Variants in GDAP1L1 observed in about 807,000 individuals in gnomAD.
The protein encoded by GDAP1L1 is ganglioside induced differentiation associated protein 1 like 1, also known as ganglioside-induced differentiation-associated protein 1-like 1.
A neutral mutation model predicts 37.1 loss-of-function variants in GDAP1L1; 21 were observed. That is an observed-to-expected ratio of 0.57 (90% CI 0.40 to 0.81). The LOEUF is 0.81. Ranked by LOEUF, GDAP1L1 falls within the 40% of genes least tolerant of loss-of-function variation. The probability of loss-of-function intolerance (pLI) is 0.00; values close to 1 mark genes in which losing one functional copy is unlikely to be tolerated. For synonymous variants in GDAP1L1, 193 were observed against 209.1 expected, an observed-to-expected ratio of 0.92 and a Z score of 0.67; for missense variants, 362 against 491.6, an observed-to-expected ratio of 0.74 and a Z score of 2.49.
chr20:44,262,949 A>G (rs759889360), intron 3 of GDAP1L1, among the ~76,000 whole-genome samples: 2 of 151,660 alleles, frequency 1.3e-5, no homozygotes, highest in Non-Finnish European at 2.9e-5. Context: ...GGCTCAAGTG[A>G]TCCTCTCACC....
intron 1 of GDAP1L1, among the ~76,000 whole-genome samples, chr20:44,254,577 C>T (rs1428976474): frequency 6.6e-6 from 1 of 152,180 alleles, no homozygotes; most frequent in Non-Finnish European, 1.5e-5. Context: ...ATCCAGCCCC[C>T]TTGTTTTGCT....
chr20:44,252,020 T>C (rs989686751), intron 1 of GDAP1L1, among the ~76,000 whole-genome samples: 8 of 152,232 alleles, frequency 5.3e-5, no homozygotes, highest in East Asian at 1.9e-4. Flanking sequence ...GATGAAAATA[T>C]CTGATTCCTA....
chr20:44,250,392 AT>A (rs1460690135), intron 1 of GDAP1L1, among the ~76,000 whole-genome samples: 1 of 152,204 alleles, frequency 6.6e-6, no homozygotes, highest in Non-Finnish European at 1.5e-5. Flanking sequence ...CGTTGTAAGG[AT>A]TCAGCAAATG....
intron 5 of GDAP1L1, among the ~76,000 whole-genome samples, chr20:44,276,466 A>AAGAAAGAAAGAAAGAG (rs1555801145): frequency 1.5e-5 from 2 of 137,100 alleles, no homozygotes; most frequent in East Asian, 2.1e-4. Flanking sequence ...GAAAGAAAGA[A>AAGAAAGAAAGAAAGAG]AAAGAAAGGC....
At chr20:44,272,133 A>G (rs940650516) in intron 5 of GDAP1L1, among the ~76,000 whole-genome samples, 1 of 152,198 alleles carries the variant, frequency 6.6e-6, no homozygotes, top group Non-Finnish European at 1.5e-5. Context: ...GGAGCCAGCA[A>G]GTGAGTTTCC....
intron 3 of GDAP1L1, among the ~76,000 whole-genome samples, chr20:44,258,966 G>GGC (rs397866189): frequency 2.2e-4 from 22 of 99,594 alleles, no homozygotes; most frequent in East Asian, 9.2e-4. Context: ...CTCTTGTCCT[G>GGC]CCCCCCCCAT....
chr20:44,251,601 G>C (rs1246689396), intron 1 of GDAP1L1, among the ~76,000 whole-genome samples: 1 of 152,186 alleles, frequency 6.6e-6, no homozygotes, highest in Admixed American at 6.5e-5. Context: ...CCTAAGAGGA[G>C]CCCCAGAGAG....
chr20:44,247,287 C>A (rs746124320), upstream of GDAP1L1: 3 of 1,591,178 alleles, frequency 1.9e-6, no homozygotes, highest in Admixed American at 1.7e-5. Context: ...CGAGAGAGAG[C>A]CGCCGCGCCG....
chr20:44,247,602 A>C, intron 1 of GDAP1L1, 88 bp downstream of exon 1: 1 of 1,266,726 alleles, frequency 7.9e-7, no homozygotes, highest in Non-Finnish European at 1.1e-6. Context: ...AGGGCGGCGA[A>C]AGACTGGAGG....
At position 44,279,028 on chromosome 20, in the gene GDAP1L1, C is replaced by T. The variant is rs955361365; in HGVS notation, c.832C>T (p.His278Tyr). The T allele has an allele frequency of 1.2e-6, 2 of 1,614,020 alleles. No homozygotes were observed. The highest frequency in any genetic ancestry group is 1.7e-5 in the Admixed American group (1 of 60,008). Reference sequence around the variant, plus strand: ...TGATGTCCTCCTGGGAGCCACCCTGCACCGCCTCAAGTTCCTGGGACTGTC... The same window carrying T: ...TGATGTCCTCCTGGGAGCCACCCTGTACCGCCTCAAGTTCCTGGGACTGTC... ...LADVLLGATLHRLKFLGLSKK... is the reference protein window; with the variant it reads ...LADVLLGATLYRLKFLGLSKK... Residue 278 changes from histidine (H) to tyrosine (Y), a missense_variant, in exon 6 of 6, where the codon CAC becomes TAC. This residue lies in a region of GDAP1L1 where 85 missense variants were observed against 154.4 expected (regional missense o/e 0.55). Coordinates refer to ENST00000342560, the MANE Select transcript of GDAP1L1 (RefSeq NM_024034.6).
intron 5 of GDAP1L1, chr20:44,264,884 T>A (rs954089635): frequency 9.3e-7 from 1 of 1,076,212 alleles, no homozygotes; most frequent in African/African-American, 1.7e-5. Context: ...ACACAGTAGG[T>A]GTTTAATAAA....
Position 44,276,870 on chromosome 20 carries a change from A to G in GDAP1L1, c.761-2087A>G, listed in dbSNP as rs557659549. Among the ~76,000 whole-genome samples, 14 of 152,314 alleles carry G rather than the reference A, an allele frequency of 9.2e-5. No individual in the cohort carries two copies. In the East Asian group the frequency reaches 2.7e-3, roughly 29 times the overall value. On this transcript the variant is annotated intron_variant, in intron 5 of 5. Coordinates refer to ENST00000342560, the MANE Select transcript of GDAP1L1 (RefSeq NM_024034.6). ...AATGTGGCGCTGTGTTCTATGGAGG[A>G]AAACAAAGCAGGAGAGGGGAGAGTG...
chr20:44,265,127 C>T, intron 5 of GDAP1L1: 2 of 985,374 alleles, frequency 2.0e-6, no homozygotes, highest in Non-Finnish European at 2.4e-6. Context: ...TCCCACTTGC[C>T]CTGCCCAAGA....
chr20:44,255,506 CA>C (rs904589604), intron 1 of GDAP1L1, among the ~76,000 whole-genome samples: 27 of 135,800 alleles, frequency 2.0e-4, no homozygotes, highest in African/African-American at 7.6e-4. Flanking sequence ...CGCACCACTG[CA>C]CTCCAGCCTG....
Position 44,263,255 on chromosome 20 carries a change from C to A in GDAP1L1, c.573C>A (p.Asp191Glu), listed in dbSNP as rs1349364553. 11 of 1,613,980 alleles carry A rather than the reference C, an allele frequency of 6.8e-6. No individual in the cohort carries two copies. Among genetic ancestry groups the A allele is most frequent in the Admixed American group, 1.7e-5 (1 of 60,000 alleles). The part of the protein sequence containing the change: ...IRRHLANATT[D>E]LMKLDHEEEP... ...GACATTTAGCCAATGCCACCACGGA[C>A]CTCATGAAACTGGACCATGAAGAGG... Residue 191 changes from aspartate (D) to glutamate (E), a missense_variant, in exon 4 of 6, where the codon GAC (aspartate) becomes GAA (glutamate). Around this residue, in one of 2 missense-constraint regions of GDAP1L1, gnomAD observed 277 missense variants for 337.1 expected, o/e 0.82. Coordinates refer to ENST00000342560, the MANE Select transcript of GDAP1L1 (RefSeq NM_024034.6).
In GDAP1L1 at chr20:44,279,211, C is replaced by G. The variant is rs201558520; in HGVS notation, c.1015C>G (p.Pro339Ala). Residue 339 changes from proline (P) to alanine (A), a missense_variant, in exon 6 of 6, where the codon CCA (proline) becomes GCA (alanine). Transcript: ENST00000342560. ...TTTCCGGCTGGTCAAGAGGAAACCC[C>G]CATCCTTCTTCGGGGCGTCCTTCCT... ...NAFRLVKRKP[P>A]SFFGASFLMG... 1 of 1,614,150 alleles carries G rather than the reference C, an allele frequency of 6.2e-7. No individual in the cohort carries two copies. The highest frequency in any genetic ancestry group is 2.2e-5 in the East Asian group (1 of 44,882).
intron 1 of GDAP1L1, 122 bp downstream of exon 1, chr20:44,247,636 C>A: frequency 1.1e-6 from 1 of 948,802 alleles, no homozygotes; most frequent in Non-Finnish European, 1.5e-6. Context: ...TTTGGGGGTC[C>A]CGGAGGTCGG....
At chr20:44,254,353 A>T (rs2073500095) in intron 1 of GDAP1L1, among the ~76,000 whole-genome samples, 1 of 152,104 alleles carries the variant, frequency 6.6e-6, no homozygotes, top group Non-Finnish European at 1.5e-5. Context: ...TTGCTCACTC[A>T]TACACACGCA....
chr20:44,274,981 C>A (rs1417359140), intron 5 of GDAP1L1, among the ~76,000 whole-genome samples: 1 of 152,190 alleles, frequency 6.6e-6, no homozygotes, highest in African/African-American at 2.4e-5. Flanking sequence ...CAACCTCGAC[C>A]TTCCGGGCTC....
Sources: gnomAD v4.1 joint callset for allele counts (sites outside exome capture counted in the v4.1 genomes callset) on GRCh38, gnomAD v4.1.1 for gene constraint, gnomAD v4.1.1 regional missense constraint, MANE v1.5 for transcripts, NCBI Gene and HGNC (gene_info 2026-07-23, HGNC 2026-07-21) for gene names.